Variants in CFHR4 observed in about 807,000 individuals in gnomAD.
The protein encoded by CFHR4 is complement factor H related 4.
CFHR4 carries 64 observed loss-of-function variants against 69.3 expected under a neutral mutation model. The ratio of observed to expected loss-of-function variants is 0.92; its 90% CI spans 0.76 to 1.14. CFHR4 has a LOEUF of 1.14. CFHR4 is among the 50% of genes most tolerant of loss of function. CFHR4 has a pLI of 0.00. For synonymous variants in CFHR4, 244 were observed against 237.0 expected, an observed-to-expected ratio of 1.03 and a Z score of -0.27; for missense variants, 636 against 684.9, an observed-to-expected ratio of 0.93 and a Z score of 0.80.
intron 9 of CFHR4, among the ~76,000 whole-genome samples, chr1:196,915,876 C>T (rs12733826): frequency 2.0e-5 from 3 of 151,286 alleles, no homozygotes; most frequent in African/African-American, 4.9e-5. Flanking sequence ...TATGAAAACA[C>T]TGTTTCAAAA....
chr1:196,915,677 A>G (rs1658575629), intron 9 of CFHR4, among the ~76,000 whole-genome samples: 2 of 151,222 alleles, frequency 1.3e-5, no homozygotes, highest in Admixed American at 1.3e-4. Context: ...TAAATAAAAC[A>G]GAAGAAGAAG....
chr1:196,896,747 G>C (rs1193002620), intron 1 of CFHR4, among the ~76,000 whole-genome samples: 2 of 151,496 alleles, frequency 1.3e-5, no homozygotes, highest in Admixed American at 1.3e-4. Flanking sequence ...TCCAAAAATA[G>C]TACAATCAGA....
At chr1:196,888,688 A>G (rs1341860012) in intron 1 of CFHR4, among the ~76,000 whole-genome samples, 1 of 151,314 alleles carries the variant, frequency 6.6e-6, no homozygotes, top group Admixed American at 6.6e-5. Context: ...ATTATACCTT[A>G]AGAAAGCTGC....
rs189232991 is a variant in CFHR4 at position 196,911,274 on chromosome 1, C to A, written c.997+796C>A. ...ATAATTTCTGGATAATGAGTGGATTCTGTCACTTAGTAGTCAAGTAACAAT... is the reference window on the plus strand; with the variant it reads ...ATAATTTCTGGATAATGAGTGGATTATGTCACTTAGTAGTCAAGTAACAAT... On this transcript the variant is annotated intron_variant, in intron 6 of 9. Coordinates refer to ENST00000608469, the MANE Select transcript of CFHR4 (RefSeq NM_001201550.3). Among the ~76,000 whole-genome samples the A allele has an allele frequency of 7.6e-4, 115 of 151,624 alleles. 4 individuals are homozygous for A. The highest frequency in any genetic ancestry group is 2.1e-4 in the Non-Finnish European group (14 of 67,950).
chr1:196,888,301 C>T (rs1656834768), intron 1 of CFHR4, 93 bp downstream of exon 1: 2 of 1,263,676 alleles, frequency 1.6e-6, no homozygotes, highest in Non-Finnish European at 1.1e-6. Flanking sequence ...TTTTATAAAT[C>T]TGATAGGATA....
chr1:196,903,814 CATTA>C (rs1326742649), intron 2 of CFHR4, among the ~76,000 whole-genome samples: 4 of 151,294 alleles, frequency 2.6e-5, no homozygotes, highest in Admixed American at 6.6e-5. Flanking sequence ...AAAATTATAG[CATTA>C]ATTAACAATG....
chr1:196,894,440 A>C (rs1302477967), intron 1 of CFHR4, among the ~76,000 whole-genome samples: 1 of 151,396 alleles, frequency 6.6e-6, no homozygotes, highest in African/African-American at 2.4e-5. Flanking sequence ...GTCTAGTATT[A>C]TTTCACTTTA....
At position 196,910,106 on chromosome 1, in the gene CFHR4, C is replaced by T. The variant is rs570663018; in HGVS notation, c.800-175C>T. 4.6e-4 allele frequency among the ~76,000 whole-genome samples: 67 copies of T among 145,398 alleles called. 1 individual carries two copies. The highest frequency in any genetic ancestry group is 7.1e-3 in the Middle Eastern group (2 of 282). On this transcript the variant is annotated intron_variant, in intron 5 of 9. Coordinates refer to ENST00000608469, the MANE Select transcript of CFHR4 (RefSeq NM_001201550.3). ...GACGGAGGTCACAGTGAGCAGTGATCGCACCACTGCACTCCAGCCTGGGAG... is the reference window on the plus strand; with the variant it reads ...GACGGAGGTCACAGTGAGCAGTGATTGCACCACTGCACTCCAGCCTGGGAG...
rs895089941 is a variant in CFHR4 at position 196,892,148 on chromosome 1, G to C, written c.58+3940G>C. Among the ~76,000 whole-genome samples, 3 of 151,500 alleles carry C rather than the reference G, an allele frequency of 2.0e-5. 1 individual carries two copies. Among genetic ancestry groups the C allele is most frequent in the Admixed American group, 1.3e-4 (2 of 15,180 alleles). ...TAACGCTGATAAAATTTCCAGAATT[G>C]CCGAAGAGACCATACTACGTAGGAG... On this transcript the variant is annotated intron_variant, in intron 1 of 9. Transcript: ENST00000608469.
In CFHR4 at chr1:196,907,341, T is replaced by C; in HGVS notation, c.642T>C (p.Pro214=). 1 of 1,611,590 alleles carries C rather than the reference T, an allele frequency of 6.2e-7. No individual in the cohort carries two copies. The highest frequency in any genetic ancestry group is 1.1e-5 in the South Asian group (1 of 90,996). Residue 214 remains proline (P), a synonymous_variant, in exon 5 of 10, where the codon CCT becomes CCC. Coordinates refer to ENST00000608469, the MANE Select transcript of CFHR4 (RefSeq NM_001201550.3). The part of the protein sequence containing the change: ...CYNSSENCGP[P]PPISNGDTTS... ...ATTCTTCAGAAAACTGTGGGCCTCC[T>C]CCACCTATTAGCAATGGAGATACCA...
intron 6 of CFHR4, among the ~76,000 whole-genome samples, chr1:196,912,156 T>C (rs903012474): frequency 6.6e-6 from 1 of 151,450 alleles, no homozygotes; most frequent in South Asian, 2.1e-4. Context: ...ATTGCTAATA[T>C]ATTAGAACTT....
At chr1:196,905,002 A>C in intron 2 of CFHR4, 106 bp from the exon 3 acceptor site, 1 of 1,087,740 alleles carries the variant, frequency 9.2e-7, no homozygotes, top group Non-Finnish European at 1.3e-6. Context: ...CAATTCATTA[A>C]CAGATGTTTC....
In CFHR4 at chr1:196,907,408, G is replaced by A. The variant is rs1433764723; in HGVS notation, c.709G>A (p.Glu237Lys). ...AGTGTATCTGCCATGGTCAAGAGTC[G>A]AGTACCAGTGCCAGTCCTACTATGA... The part of the protein sequence containing the change: ...QKVYLPWSRV[E>K]YQCQSYYELQ... The change falls in exon 5 of 10, where the codon GAG becomes AAG. Residue 237 changes from glutamate (E) to lysine (K), a missense_variant. Physicochemically the swap from Glu to Lys is moderately conservative, Grantham distance 56. Transcript: ENST00000608469. The A allele has an allele frequency of 8.1e-6, 13 of 1,611,546 alleles. No homozygotes were observed. Among genetic ancestry groups the A allele is most frequent in the Admixed American group, 5.0e-5 (3 of 59,832 alleles).
Position 196,910,287 on chromosome 1 carries a change from A to C in CFHR4, c.806A>C (p.Lys269Thr), listed in dbSNP as rs766701460. 4 of 1,586,486 alleles carry C rather than the reference A, an allele frequency of 2.5e-6. 1 individual carries two copies. The highest frequency in any genetic ancestry group is 2.3e-5 in the South Asian group (2 of 86,620). Residue 269 changes from lysine to threonine, a missense_variant, in exon 6 of 10, where the codon AAA becomes ACA. Physicochemically the swap from Lys to Thr is moderately conservative, Grantham distance 78 (BLOSUM62 -1). Coordinates refer to ENST00000608469, the MANE Select transcript of CFHR4 (RefSeq NM_001201550.3). ...WSEPPRCISM[K>T]PCEFPEIQHG... The stretch of plus-strand genomic sequence containing the variant: ...TTTTGTTTTTTGTTACAAGCAATGA[A>C]ACCTTGTGAGTTTCCAGAAATTCAA...
Position 196,891,487 on chromosome 1 carries a change from G to GTC in CFHR4, c.58+3280_58+3281insCT, listed in dbSNP as rs1026537592. Reference sequence around the variant, plus strand: ...CCAACAAGCCTCTGGAGCCAGTTCTGTAACTAGCAAACGCCTCCCAGAAAG... The same window carrying GTC: ...CCAACAAGCCTCTGGAGCCAGTTCTGTCTAACTAGCAAACGCCTCCCAGAAAG... On this transcript the variant is annotated intron_variant, in intron 1 of 9. Transcript: ENST00000608469. Among the ~76,000 whole-genome samples, 3 of 151,368 alleles carry GTC rather than the reference G, an allele frequency of 2.0e-5. 1 individual carries two copies. Among genetic ancestry groups the GTC allele is most frequent in the Admixed American group, 1.3e-4 (2 of 15,154 alleles).
chr1:196,902,658 A>C, intron 2 of CFHR4, 43 bp downstream of exon 2: 1 of 1,381,150 alleles, frequency 7.2e-7, no homozygotes, highest in Non-Finnish European at 1.0e-6. Context: ...AAAACTTGAA[A>C]AGAGTGAGAG....
At chr1:196,908,459 A>C (rs1164555394) in intron 5 of CFHR4, among the ~76,000 whole-genome samples, 1 of 151,342 alleles carries the variant, frequency 6.6e-6, no homozygotes, top group Non-Finnish European at 1.5e-5. Context: ...AAAGAAATTA[A>C]CAGAAAGCTC....
At position 196,890,898 on chromosome 1, in the gene CFHR4, C is replaced by T. The variant is rs140785002; in HGVS notation, c.58+2690C>T. Among the ~76,000 whole-genome samples, 17 of 151,538 alleles carry T rather than the reference C, an allele frequency of 1.1e-4. 1 individual carries two copies. The East Asian group carries it at 1.2e-3, about 10-fold the overall frequency. On this transcript the variant is annotated intron_variant, in intron 1 of 9. Coordinates refer to ENST00000608469, the MANE Select transcript of CFHR4 (RefSeq NM_001201550.3). ...CTCCAGTGCCTTCTAGTGGGAGAAA[C>T]GATTTTTAGAAATGAACCTAAACTA...
At chr1:196,915,580 A>T (rs1475500834) in intron 9 of CFHR4, among the ~76,000 whole-genome samples, 1 of 151,562 alleles carries the variant, frequency 6.6e-6, no homozygotes, top group East Asian at 1.9e-4. Context: ...GGTTGCAGTG[A>T]GCGGAGATTG....
Sources: allele counts gnomAD v4.1 joint callset (sites outside exome capture counted in the v4.1 genomes callset), GRCh38; gene constraint gnomAD v4.1.1; transcripts MANE v1.5; gene names NCBI Gene and HGNC (gene_info 2026-07-23, HGNC 2026-07-21).